Variants in CCNL1 observed in about 807,000 individuals in gnomAD.
CCNL1 encodes the protein cyclin-L1.
A neutral mutation model predicts 60.6 loss-of-function variants in CCNL1; 13 were observed. The ratio of observed to expected loss-of-function variants is 0.21; its 90% confidence interval spans 0.14 to 0.34. The LOEUF is 0.34. Among genes scored for constraint, CCNL1 ranks in the 10% least tolerant of loss-of-function variants. The pLI, the probability that CCNL1 is intolerant of heterozygous loss-of-function variation, is 1.00. For missense variants in CCNL1, 481 were observed against 664.3 expected (o/e 0.72, Z 3.03); for synonymous variants, 270 against 244.3 (o/e 1.10, Z -0.98).
chr3:157,159,376 T>C (rs1369744838), intron 2 of CCNL1, 29 bp downstream of exon 2: 8 of 1,608,444 alleles, frequency 5.0e-6, no homozygotes, highest in Non-Finnish European at 6.8e-6. Context: ...GATGAAGAAA[T>C]CCCTTTTACC....
At chr3:157,149,430 A>G (rs1312702627) in intron 9 of CCNL1, 45 bp from the exon 10 acceptor site, 1 of 1,605,336 alleles carries the variant, frequency 6.2e-7, no homozygotes, top group Non-Finnish European at 8.5e-7. Context: ...AGTGTGTTAA[A>G]AAGTAAACAC....
At chr3:157,159,127 GTTGT>G (rs1738855989) in intron 2 of CCNL1, 152 bp from the exon 3 acceptor site, 2 of 634,390 alleles carry the variant, frequency 3.2e-6, no homozygotes, top group Non-Finnish European at 5.5e-6. Context: ...TATACTTTTT[GTTGT>G]TTAACTCATC....
intron 4 of CCNL1, chr3:157,152,718 C>A: frequency 8.8e-7 from 1 of 1,130,414 alleles, no homozygotes; most frequent in Non-Finnish European, 1.1e-6. Context: ...TTTGTAGCTA[C>A]ACATTTATTC....
intron 1 of CCNL1, 26 bp from the exon 2 acceptor site, chr3:157,159,505 G>A (rs1174418138): frequency 3.7e-6 from 6 of 1,602,988 alleles, no homozygotes; most frequent in Non-Finnish European, 4.3e-6. Flanking sequence ...GAGAACGGAA[G>A]CGCAGGGGTC....
In CCNL1 at chr3:157,148,495, G is replaced by A. The variant is rs769303845; in HGVS notation, c.1327C>T (p.His443Tyr). The A allele has an allele frequency of 6.2e-7, 1 of 1,614,186 alleles. No homozygotes were observed. Among genetic ancestry groups the A allele is most frequent in the Non-Finnish European group, 8.5e-7 (1 of 1,180,028 alleles). The change falls in exon 11 of 11, where the codon CAT becomes TAT. Residue 443 changes from histidine (H) to tyrosine (Y), a missense_variant. This residue lies in a region of CCNL1 where 197 missense variants were observed against 233.9 expected (regional missense o/e 0.84). Transcript: ENST00000295926. ...TTGGCCTTAAGGTGAGGAGAACCATGATTATGATGTCTTCGAGGGCTTTCA... is the reference window on the plus strand; with the variant it reads ...TTGGCCTTAAGGTGAGGAGAACCATAATTATGATGTCTTCGAGGGCTTTCA... ...HSESPRRHHN[H>Y]GSPHLKAKHT...
intron 2 of CCNL1, chr3:157,159,178 G>A (rs533804544): frequency 3.2e-6 from 2 of 629,454 alleles, no homozygotes; most frequent in Non-Finnish European, 5.6e-6. Flanking sequence ...AATCTTACAG[G>A]AGTTCTGCAT....
downstream of CCNL1, among the ~76,000 whole-genome samples, chr3:157,143,144 T>A (rs951527221): frequency 1.3e-5 from 2 of 152,164 alleles, no homozygotes; most frequent in African/African-American, 2.4e-5. Flanking sequence ...TTTTATTTTT[T>A]AAGAGCAGCT....
intron 5 of CCNL1, chr3:157,151,309 G>A: frequency 2.0e-6 from 2 of 985,714 alleles, no homozygotes; most frequent in Non-Finnish European, 2.4e-6. Flanking sequence ...CACATCAATA[G>A]TCTTAGGAAA....
rs550625825 is a variant in CCNL1, at chr3:157,158,837, G to T, written c.488+29C>A. ...GGTGCACGGTACAGCAGTAGCAAGA[G>T]ATACTATGTTCAATAATGCCAATCT... On this transcript the variant is annotated intron_variant, in intron 3 of 10. Transcript: ENST00000295926. 5.1e-6 allele frequency: 7 copies of T among 1,376,148 alleles called. No individual in the cohort carries two copies. The African/African-American group carries it at 1.0e-4, about 20-fold the overall frequency. The allele number at this position is 1,376,148 out of a possible 1,614,324, so 85.2% of individuals were successfully genotyped here. A position where few individuals can be genotyped will look rare whatever the true frequency, so the allele number is the denominator to read the frequency against.
chr3:157,150,528 ACT>A (rs1451373188), intron 5 of CCNL1, 147 bp from the exon 6 acceptor site: 4 of 1,384,446 alleles, frequency 2.9e-6, no homozygotes, highest in Admixed American at 5.8e-5. Flanking sequence ...ACAACTCTTA[ACT>A]CAAAAAAATC....
Position 157,148,117 on chromosome 3 carries a change from G to A in CCNL1, c.*124C>T. On this transcript the variant is annotated 3_prime_UTR_variant, in exon 11 of 11. Coordinates refer to ENST00000295926, the MANE Select transcript of CCNL1 (RefSeq NM_020307.4). ...AAGAAACTGTCCTCAGTGTTCTAGA[G>A]ACCTAGAGGGTTTCAAGAAATCAAA... 6.9e-7 allele frequency: 1 copy of A among 1,450,832 alleles called. No individual in the cohort carries two copies. The highest frequency in any genetic ancestry group is 9.1e-7 in the Non-Finnish European group (1 of 1,102,264). The allele number at this position is 1,450,832 out of a possible 1,614,324, so 89.9% of individuals were successfully genotyped here. A position where few individuals can be genotyped will look rare whatever the true frequency, so the allele number is the denominator to read the frequency against.
At chr3:157,159,044 C>A in intron 2 of CCNL1, 69 bp from the exon 3 acceptor site, 1 of 1,044,210 alleles carries the variant, frequency 9.6e-7, no homozygotes, top group South Asian at 1.3e-5. Context: ...AAATTTAGAA[C>A]ACAATTGGGA....
In CCNL1 at chr3:157,159,878, C is replaced by A; in HGVS notation, c.217G>T (p.Gly73Trp). 6.3e-7 allele frequency: 1 copy of A among 1,598,668 alleles called. No homozygotes were observed. Among genetic ancestry groups the A allele is most frequent in the Non-Finnish European group, 8.5e-7 (1 of 1,172,782 alleles). The change falls in exon 1 of 11, where the codon GGG (glycine) becomes TGG (tryptophan). Residue 73 changes from glycine (G) to tryptophan (W), a missense_variant. Coordinates refer to ENST00000295926, the MANE Select transcript of CCNL1 (RefSeq NM_020307.4). ...TCCGTCTCACTGGGCAGGTCGAGCCCATCCTGCATGGATGGGGTGGGCGAG... is the reference window on the plus strand; with the variant it reads ...TCCGTCTCACTGGGCAGGTCGAGCCAATCCTGCATGGATGGGGTGGGCGAG... ...RLSPTPSMQD[G>W]LDLPSETDLR...
chr3:157,150,806 T>C (rs1738129837), intron 5 of CCNL1: 2 of 989,392 alleles, frequency 2.0e-6, no homozygotes, highest in East Asian at 2.2e-4. Flanking sequence ...CAAGTTCTTT[T>C]CAAAAGCTCA....
In CCNL1 at chr3:157,159,827, T is replaced by C. The variant is rs773329696; in HGVS notation, c.268A>G (p.Ile90Val). The C allele has an allele frequency of 6.5e-7, 1 of 1,545,192 alleles. No individual in the cohort carries two copies. Among genetic ancestry groups the C allele is most frequent in the Non-Finnish European group, 8.8e-7 (1 of 1,141,106 alleles). The change falls in exon 1 of 11, where the codon ATC becomes GTC. Residue 90 changes from isoleucine to valine, a missense_variant. This residue lies in a region of CCNL1 where 130 missense variants were observed against 174.5 expected (regional missense o/e 0.75). Coordinates refer to ENST00000295926, the MANE Select transcript of CCNL1 (RefSeq NM_020307.4). Reference protein sequence around the residue: ...TDLRILGCELIQAAGILLRLP... With the variant: ...TDLRILGCELVQAAGILLRLP... Reference sequence around the variant, plus strand: ...CGGAGGAGAATGCCGGCGGCCTGGATGAGCTCGCAGCCCAGGATGCGTAAG... The same window carrying C: ...CGGAGGAGAATGCCGGCGGCCTGGACGAGCTCGCAGCCCAGGATGCGTAAG...
intron 4 of CCNL1, 120 bp downstream of exon 4, chr3:157,152,916 T>TAAAGTTCTTTA (rs1738306992): frequency 1.3e-6 from 2 of 1,516,186 alleles, no homozygotes; most frequent in African/African-American, 2.9e-5. Flanking sequence ...CCTGAACCTT[T>TAAAGTTCTTTA]AAAAGAATGC....
rs563624768 is a variant in CCNL1, at chr3:157,149,547, A to G, written c.1071T>C (p.Asn357=). The G allele has an allele frequency of 2.5e-6, 4 of 1,614,062 alleles. No individual in the cohort carries two copies. The African/African-American group carries it at 4.0e-5, about 16-fold the overall frequency. ...CAGGTTCTTTTTTGACTGTCTTCAC[A>G]TTAATGGAGATTGGTGATTTCTCTT... is the stretch of plus-strand genomic sequence containing the variant. ...KAEEKSPISI[N]VKTVKKEPED... The change falls in exon 9 of 11, where the codon AAT becomes AAC. Residue 357 remains asparagine, a synonymous_variant. Transcript: ENST00000295926.
At chr3:157,153,859 G>A (rs1738392161) in intron 3 of CCNL1, 1 of 152,070 alleles carries the variant, frequency 6.6e-6, no homozygotes, top group South Asian at 2.1e-4. Context: ...AAAGTAATCT[G>A]AAAACTAAAG....
rs571184745 is a variant in CCNL1, at chr3:157,154,931, T to TAC, written c.489-1776_489-1775insGT. 9.1e-3 allele frequency among the ~76,000 whole-genome samples: 1,300 copies of TAC among 143,370 alleles called. 14 individuals are homozygous for TAC. The highest frequency in any genetic ancestry group is 0.034 in the African/African-American group (1,158 of 34,046). 94.1% of individuals were successfully genotyped at this position (143,370 alleles called of 152,430 possible). A position where few individuals can be genotyped will look rare whatever the true frequency, so the allele number is the denominator to read the frequency against. ...AAAACAACCTATCTCTCTCTCCATA[T>TAC]ATATACATACATACATACATACATA... On this transcript the variant is annotated intron_variant, in intron 3 of 10. Coordinates refer to ENST00000295926, the MANE Select transcript of CCNL1 (RefSeq NM_020307.4).
Sources: gnomAD v4.1 joint callset for allele counts (sites outside exome capture counted in the v4.1 genomes callset) on GRCh38, gnomAD v4.1.1 for gene constraint, gnomAD v4.1.1 regional missense constraint, MANE v1.5 for transcripts, NCBI Gene and HGNC (gene_info 2026-07-23, HGNC 2026-07-21) for gene names.